The following DST variants were observed in gnomAD, a reference collection of about 807,000 sequenced individuals.
The protein encoded by DST is bullous pemphigoid antigen.
Under a neutral mutation model 875.2 loss-of-function variants are expected in DST, and 253 were observed. The ratio of observed to expected loss-of-function variants is 0.29; its 90% CI spans 0.26 to 0.32. DST has a LOEUF of 0.32. Ranked by LOEUF, DST falls within the 10% of genes least tolerant of loss-of-function variation. The probability of loss-of-function intolerance (pLI) is 1.00; values close to 1 mark genes in which losing one functional copy is unlikely to be tolerated. For missense variants in DST, 8,287 were observed against 9,111.6 expected, an observed-to-expected ratio of 0.91 and a Z score of 3.68; for synonymous variants, 3,124 against 3,197.1, an observed-to-expected ratio of 0.98 and a Z score of 0.77.
chr6:56,893,039 G>T (rs1045519153), intron 3 of DST, among the ~76,000 whole-genome samples: 3 of 152,168 alleles, frequency 2.0e-5, no homozygotes, highest in Non-Finnish European at 4.4e-5. Flanking sequence ...TTGAGGTACA[G>T]GTGGTATTTG....
chr6:56,636,706 T>C, intron 22 of DST, 54 bp from the exon 23 acceptor site: 1 of 1,323,204 alleles, frequency 7.6e-7, no homozygotes, highest in Admixed American at 1.7e-5. Context: ...AAGGCACACA[T>C]ACCTTTTGAT....
intron 3 of DST, among the ~76,000 whole-genome samples, chr6:56,859,857 T>G (rs946144317): frequency 6.6e-6 from 1 of 152,066 alleles, no homozygotes; most frequent in African/African-American, 2.4e-5. Flanking sequence ...ATATGGCTCA[T>G]AGTAGAAAGT....
intron 2 of DST, among the ~76,000 whole-genome samples, chr6:56,905,925 A>G (rs182776167): frequency 6.6e-6 from 1 of 152,294 alleles, no homozygotes; most frequent in East Asian, 1.9e-4. Context: ...CTGGGATTAC[A>G]GGTGTAAGCC....
intron 3 of DST, among the ~76,000 whole-genome samples, chr6:56,899,879 G>A (rs1793226563): frequency 6.6e-6 from 1 of 152,120 alleles, no homozygotes; most frequent in Non-Finnish European, 1.5e-5. Flanking sequence ...AAAAGACAAT[G>A]GTGCTGCCTT....
chr6:56,551,093 AC>A (rs1310973641), intron 61 of DST, among the ~76,000 whole-genome samples: 2 of 152,188 alleles, frequency 1.3e-5, no homozygotes, highest in Non-Finnish European at 2.9e-5. Context: ...CGTTTAATAA[AC>A]TGCAAATAAT....
chr6:56,585,342 A>T (rs1241120873), intron 49 of DST, among the ~76,000 whole-genome samples: 1 of 152,120 alleles, frequency 6.6e-6, no homozygotes, highest in East Asian at 1.9e-4. Context: ...TGTGTCGAGG[A>T]ATTTATCCAT....
chr6:56,648,433 A>G (rs1315598000), intron 13 of DST, 137 bp downstream of exon 13: 30 of 641,118 alleles, frequency 4.7e-5, no homozygotes, highest in Non-Finnish European at 6.7e-5. Context: ...AGAAATGAGT[A>G]ATACAAATTT....
At chr6:56,553,719 C>T (rs1220982774) in intron 60 of DST, 64 bp from the exon 61 acceptor site, 1 of 1,447,398 alleles carries the variant, frequency 6.9e-7, no homozygotes, top group Non-Finnish European at 9.3e-7. Flanking sequence ...CTATGAAAAG[C>T]CAAAATAAAA....
intron 90 of DST, among the ~76,000 whole-genome samples, chr6:56,478,279 G>A (rs1428038030): frequency 6.6e-6 from 1 of 152,176 alleles, no homozygotes; most frequent in African/African-American, 2.4e-5. Flanking sequence ...GGTAAGGAAA[G>A]ATAAATGTTT....
chr6:56,495,016 A>T (rs2095861628), intron 82 of DST, among the ~76,000 whole-genome samples: 1 of 151,972 alleles, frequency 6.6e-6, no homozygotes, highest in African/African-American at 2.4e-5. Context: ...ATAAGTATAC[A>T]ATTCAGTGTT....
At chr6:56,680,317 A>G (rs935496573) in intron 9 of DST, among the ~76,000 whole-genome samples, 1 of 152,234 alleles carries the variant, frequency 6.6e-6, no homozygotes. Context: ...GATTGTTAAC[A>G]TAATAGAAGT....
chr6:56,682,246 C>T (rs925187226), intron 9 of DST, among the ~76,000 whole-genome samples: 12 of 152,130 alleles, frequency 7.9e-5, no homozygotes, highest in Non-Finnish European at 1.5e-4. Context: ...CATCATGGCT[C>T]ACTGCAGTGT....
chr6:56,807,992 A>G (rs2099755189), intron 4 of DST, among the ~76,000 whole-genome samples: 1 of 152,194 alleles, frequency 6.6e-6, no homozygotes, highest in Non-Finnish European at 1.5e-5. Context: ...AAAATGTACT[A>G]GTCTTCTATC....
intron 5 of DST, among the ~76,000 whole-genome samples, chr6:56,709,838 C>G (rs1467212220): frequency 6.6e-6 from 1 of 152,022 alleles, no homozygotes; most frequent in African/African-American, 2.4e-5. Context: ...GTCTTCCCAG[C>G]AAAGAAGATG....
chr6:56,882,032 A>G (rs1189352222), intron 3 of DST, among the ~76,000 whole-genome samples: 1 of 152,224 alleles, frequency 6.6e-6, no homozygotes, highest in East Asian at 1.9e-4. Context: ...GGTCGAATGT[A>G]TAATTTTTGC....
At chr6:56,462,710 A>AT (rs748821303) in intron 102 of DST, among the ~76,000 whole-genome samples, 4 of 151,886 alleles carry the variant, frequency 2.6e-5, no homozygotes, top group Non-Finnish European at 4.4e-5. Flanking sequence ...TAGCTTTAAA[A>AT]GAAATTTTAC....
intron 98 of DST, 172 bp from the exon 99 acceptor site, chr6:56,466,367 A>G (rs887698635): frequency 3.9e-5 from 16 of 413,556 alleles, no homozygotes; most frequent in Non-Finnish European, 1.7e-5. Flanking sequence ...AGACGGCTGC[A>G]TGCTGATTTA....
chr6:56,923,792 T>A (rs1009056858), intron 2 of DST, among the ~76,000 whole-genome samples: 3 of 152,172 alleles, frequency 2.0e-5, no homozygotes, highest in Non-Finnish European at 4.4e-5. Context: ...GGCAGTCTAC[T>A]CAAATCCACC....
chr6:56,797,577 T>C lies in DST; in HGVS notation c.625+53820A>G, dbSNP rs1414343305. Among the ~76,000 whole-genome samples the C allele has an allele frequency of 3.3e-5, 5 of 152,118 alleles. No individual in the cohort carries two copies. The East Asian group carries it at 9.6e-4, about 29-fold the overall frequency. ...GGCTGGGCATGGTGGCCCACACCTA[T>C]AATTCCAGCACTTTGGGAAGCTGAG... On this transcript the variant is annotated intron_variant, in intron 4 of 103. Transcript: ENST00000680361.
Sources: gnomAD v4.1 joint callset for allele counts (sites outside exome capture counted in the v4.1 genomes callset) on GRCh38, gnomAD v4.1.1 for gene constraint, MANE v1.5 for transcripts, NCBI Gene and HGNC (gene_info 2026-07-23, HGNC 2026-07-21) for gene names.